Variants in DLG2 observed in about 807,000 individuals in gnomAD.
DLG2 encodes the protein discs large MAGUK scaffold protein 2.
A neutral mutation model predicts 132.5 loss-of-function variants in DLG2; 45 were observed. The observed-to-expected ratio is 0.34, with a 90% CI of 0.27 to 0.44. The LOEUF is 0.44. Ranked by LOEUF, DLG2 falls within the 20% of genes least tolerant of loss-of-function variation. DLG2 has a pLI of 1.00. For missense variants in DLG2, 1,045 were observed against 1,196.9 expected (o/e 0.87, Z 1.87); for synonymous variants, 424 against 419.6 (o/e 1.01, Z -0.13).
chr11:84,835,855 T>C (rs1168364863), intron 6 of DLG2, among the ~76,000 whole-genome samples: 1 of 151,794 alleles, frequency 6.6e-6, no homozygotes, highest in East Asian at 1.9e-4. Flanking sequence ...GTGATCTAAA[T>C]TGATGTCTAG....
chr11:84,533,337 T>G (rs1454525029), intron 7 of DLG2, among the ~76,000 whole-genome samples: 1 of 152,192 alleles, frequency 6.6e-6, no homozygotes, highest in Non-Finnish European at 1.5e-5. Context: ...ATTCTTAATC[T>G]TTTCTTCTCC....
At position 84,441,132 on chromosome 11, in the gene DLG2, AATTATTATT is replaced by A. The variant is rs57445306; in HGVS notation, c.519+93429_519+93437del. Among the ~76,000 whole-genome samples the A allele has an allele frequency of 2.0e-5, 3 of 148,594 alleles. No individual in the cohort carries two copies. The East Asian group carries it at 5.9e-4, about 29-fold the overall frequency. ...CTTTGGCTAATGTCTGATGTTAGTA[AATTATTATT>A]ATTATTATTATTATTACTATTTTGA... is the stretch of plus-strand genomic sequence containing the variant. On this transcript the variant is annotated intron_variant, in intron 7 of 27. Coordinates refer to ENST00000376104, the MANE Select transcript of DLG2 (RefSeq NM_001142699.3).
At chr11:84,084,395 A>G (rs2096945248) in intron 10 of DLG2, among the ~76,000 whole-genome samples, 1 of 152,118 alleles carries the variant, frequency 6.6e-6, no homozygotes, top group South Asian at 2.1e-4. Context: ...GGAAGTAGGG[A>G]TAGTGGTGGG....
At chr11:84,132,227 T>G (rs914433029) in intron 9 of DLG2, among the ~76,000 whole-genome samples, 3 of 151,952 alleles carry the variant, frequency 2.0e-5, no homozygotes, top group Non-Finnish European at 1.5e-5. Flanking sequence ...CCCAGCCTAT[T>G]CTAAGTGATT....
At chr11:84,538,282 T>C (rs754681412) in intron 6 of DLG2, among the ~76,000 whole-genome samples, 1 of 152,200 alleles carries the variant, frequency 6.6e-6, no homozygotes, top group Non-Finnish European at 1.5e-5. Flanking sequence ...GGGATGATGT[T>C]TGAGGGAACA....
intron 4 of DLG2, among the ~76,000 whole-genome samples, chr11:85,179,061 C>G (rs1404501345): frequency 6.6e-6 from 1 of 151,706 alleles, no homozygotes; most frequent in Non-Finnish European, 1.5e-5. Flanking sequence ...CTCAGACACA[C>G]AAGAGTAAAA....
intron 6 of DLG2, among the ~76,000 whole-genome samples, chr11:84,650,455 T>A (rs2099680135): frequency 6.6e-6 from 1 of 152,148 alleles, no homozygotes; most frequent in African/African-American, 2.4e-5. Flanking sequence ...TGAATTGAGA[T>A]CATTATTTAC....
chr11:84,954,020 T>C (rs1029234736), intron 6 of DLG2, among the ~76,000 whole-genome samples: 4 of 152,150 alleles, frequency 2.6e-5, no homozygotes, highest in Non-Finnish European at 4.4e-5. Context: ...GTATCCTGTA[T>C]GAACCATTAT....
At position 84,517,051 on chromosome 11, in the gene DLG2, T is replaced by G. The variant is rs531293423; in HGVS notation, c.519+17519A>C. On this transcript the variant is annotated intron_variant, in intron 7 of 27. Transcript: ENST00000376104. ...AATAAATAAATAAATAAATAAATAT[T>G]CTATCCTAAAAAAAAAAAAAAAGAT... is the stretch of plus-strand genomic sequence containing the variant. 8.6e-5 allele frequency among the ~76,000 whole-genome samples: 9 copies of G among 104,114 alleles called. No homozygotes were observed. In the East Asian group the frequency reaches 2.7e-3, roughly 31 times the overall value. The allele number at this position is 104,114 out of a possible 152,430, so 68.3% of individuals were successfully genotyped here.
intron 3 of DLG2, among the ~76,000 whole-genome samples, chr11:85,355,406 T>G (rs759438519): frequency 2.0e-5 from 3 of 152,126 alleles, no homozygotes; most frequent in Non-Finnish European, 4.4e-5. Flanking sequence ...CCTATCTTTT[T>G]AAATGACAAT....
chr11:84,547,858 T>A (rs1015836406), intron 6 of DLG2, among the ~76,000 whole-genome samples: 7 of 152,122 alleles, frequency 4.6e-5, no homozygotes, highest in African/African-American at 1.7e-4. Flanking sequence ...CTACCCCTGG[T>A]AGAGATGTAA....
At chr11:85,447,124 T>C (rs1230886972) in intron 3 of DLG2, among the ~76,000 whole-genome samples, 1 of 152,184 alleles carries the variant, frequency 6.6e-6, no homozygotes, top group East Asian at 1.9e-4. Context: ...AATTGACTAG[T>C]TGTATAACTA....
chr11:85,491,782 T>C (rs73505531), intron 3 of DLG2, among the ~76,000 whole-genome samples: 1,577 of 152,236 alleles, frequency 0.01, 27 homozygotes, highest in African/African-American at 0.036. Context: ...CCTATGTTCA[T>C]GAATTGGAAG....
chr11:85,257,118 A>G (rs1292007345), intron 4 of DLG2, among the ~76,000 whole-genome samples: 2 of 152,262 alleles, frequency 1.3e-5, no homozygotes, highest in East Asian at 3.8e-4. Flanking sequence ...TGCTGTATAG[A>G]CAGGGAATGA....
chr11:84,828,135 G>A (rs1230992277), intron 6 of DLG2, among the ~76,000 whole-genome samples: 1 of 151,726 alleles, frequency 6.6e-6, no homozygotes, highest in South Asian at 2.1e-4. Context: ...TGAGAATAAT[G>A]GTGGGCTCCA....
intron 18 of DLG2, among the ~76,000 whole-genome samples, chr11:83,733,624 G>T (rs1440863477): frequency 6.6e-6 from 1 of 152,160 alleles, no homozygotes; most frequent in Non-Finnish European, 1.5e-5. Context: ...GGAGGACTGA[G>T]ACTTACTCTT....
chr11:84,314,115 A>T (rs1220443049), intron 7 of DLG2, among the ~76,000 whole-genome samples: 1 of 152,208 alleles, frequency 6.6e-6, no homozygotes, highest in Non-Finnish European at 1.5e-5. Flanking sequence ...AGCAGCTGGA[A>T]ATCACACTGC....
At chr11:84,351,136 A>AT (rs2098566160) in intron 7 of DLG2, among the ~76,000 whole-genome samples, 1 of 152,136 alleles carries the variant, frequency 6.6e-6, no homozygotes, top group African/African-American at 2.4e-5. Flanking sequence ...TGAAAAAAAA[A>AT]GTTTATTTCA....
chr11:83,989,420 T>G (rs994923527), intron 11 of DLG2, among the ~76,000 whole-genome samples: 2 of 152,208 alleles, frequency 1.3e-5, no homozygotes, highest in African/African-American at 4.8e-5. Context: ...CTCAATAAAC[T>G]GTCAGGTTGT....
Sources: allele counts gnomAD v4.1 joint callset (sites outside exome capture counted in the v4.1 genomes callset), GRCh38; gene constraint gnomAD v4.1.1; transcripts MANE v1.5; gene names NCBI Gene and HGNC (gene_info 2026-07-23, HGNC 2026-07-21).